Variants in ELAVL2 observed in about 807,000 individuals in gnomAD.
The protein encoded by ELAVL2 is ELAV like RNA binding protein 2, also known as ELAV-like protein 2.
In ELAVL2, 4 loss-of-function variants were observed where a neutral mutation model predicts 34.6. The ratio of observed to expected loss-of-function variants is 0.12; its 90% CI spans 0.06 to 0.26. ELAVL2 has a LOEUF of 0.26. ELAVL2 is among the 10% of genes least tolerant of loss of function. The pLI is 1.00. For missense variants in ELAVL2, 432 were observed against 442.8 expected, an observed-to-expected ratio of 0.98 and a Z score of 0.22; for synonymous variants, 193 against 154.8, an observed-to-expected ratio of 1.25 and a Z score of -1.83.
upstream of ELAVL2, among the ~76,000 whole-genome samples, chr9:23,828,910 T>C (rs2065413067): frequency 1.3e-5 from 2 of 152,338 alleles, no homozygotes; most frequent in South Asian, 4.1e-4. Context: ...ACTTTGAAAT[T>C]CATGTCTCAT....
intron 1 of ELAVL2, among the ~76,000 whole-genome samples, chr9:23,763,650 G>C (rs1391772787): frequency 6.6e-6 from 1 of 151,944 alleles, no homozygotes; most frequent in African/African-American, 2.4e-5. Context: ...AAAATAAAAG[G>C]GCACATTAGC....
At chr9:23,701,312 C>T (rs906554413) in intron 5 of ELAVL2, 67 bp downstream of exon 5, 1 of 1,537,002 alleles carries the variant, frequency 6.5e-7, no homozygotes, top group African/African-American at 1.4e-5. Context: ...AATAAAAGTA[C>T]TGGACAGTAA....
chr9:23,815,251 G>A (rs1002229875), intron 1 of ELAVL2, among the ~76,000 whole-genome samples: 4 of 152,092 alleles, frequency 2.6e-5, no homozygotes, highest in African/African-American at 9.7e-5. Flanking sequence ...TTCCTGGAAT[G>A]TTAGCTGGCT....
chr9:23,840,433 A>G, the ELAVL2 span, among the ~76,000 whole-genome samples: 1 of 152,172 alleles, frequency 6.6e-6, no homozygotes, highest in Non-Finnish European at 1.5e-5. Flanking sequence ...ATTCTGATGA[A>G]CAACTGATTT....
chr9:23,697,055 G>T (rs1317571037), intron 5 of ELAVL2, among the ~76,000 whole-genome samples: 1 of 152,026 alleles, frequency 6.6e-6, no homozygotes, highest in Admixed American at 6.6e-5. Flanking sequence ...TCATCGAAGG[G>T]GAGAGGCGGC....
chr9:23,826,081 A>C lies in ELAVL2; in HGVS notation c.-291T>G, dbSNP rs893436818. 3 of 152,254 alleles carry C rather than the reference A, an allele frequency of 2.0e-5. No homozygotes were observed. Among genetic ancestry groups the C allele is most frequent in the Non-Finnish European group, 4.4e-5 (3 of 68,052 alleles). The allele number at this position is 152,254 out of a possible 1,614,324, so 9.4% of individuals were successfully genotyped here. A position where few individuals can be genotyped will look rare whatever the true frequency, so the allele number is the denominator to read the frequency against. On this transcript the variant is annotated 5_prime_UTR_variant, in exon 1 of 7. Transcript: ENST00000397312. ...CCTCCTATTGCCGTTCAACTAAACAAAAAGGGGCAAGAAAAACAAACCAAG... is the reference window on the plus strand; with the variant it reads ...CCTCCTATTGCCGTTCAACTAAACACAAAGGGGCAAGAAAAACAAACCAAG...
chr9:23,748,028 G>C (rs899490222), intron 2 of ELAVL2, among the ~76,000 whole-genome samples: 1 of 152,086 alleles, frequency 6.6e-6, no homozygotes, highest in African/African-American at 2.4e-5. Context: ...ATCAGCATCT[G>C]TCTCCCAAGG....
chr9:23,761,502 A>G (rs987641715), intron 2 of ELAVL2, among the ~76,000 whole-genome samples: 12 of 152,094 alleles, frequency 7.9e-5, no homozygotes, highest in African/African-American at 2.4e-4. Flanking sequence ...GGAACGGAAC[A>G]TAAGATCTCA....
chr9:23,740,741 T>C (rs1311852270), intron 2 of ELAVL2, among the ~76,000 whole-genome samples: 2 of 152,120 alleles, frequency 1.3e-5, no homozygotes, highest in African/African-American at 2.4e-5. Flanking sequence ...ACAAAACAGA[T>C]AGATGAGAGG....
At chr9:23,716,935 T>C (rs1351416250) in intron 3 of ELAVL2, among the ~76,000 whole-genome samples, 1 of 152,176 alleles carries the variant, frequency 6.6e-6, no homozygotes, top group East Asian at 1.9e-4. Context: ...AGACCTTGAA[T>C]GTCAGGGCAA....
chr9:23,701,208 A>G (rs188704754), intron 5 of ELAVL2, among the ~76,000 whole-genome samples, 171 bp downstream of exon 5: 313 of 152,334 alleles, frequency 2.1e-3, no homozygotes, highest in African/African-American at 7.1e-3. Context: ...AAAAGACACT[A>G]TTCCTCAAGT....
At chr9:23,780,903 C>A (rs1399423732) in intron 1 of ELAVL2, among the ~76,000 whole-genome samples, 1 of 152,134 alleles carries the variant, frequency 6.6e-6, no homozygotes, top group African/African-American at 2.4e-5. Flanking sequence ...GGAGTGGCCT[C>A]AGAGAAGCAA....
chr9:23,702,953 A>AAAAAAAAAC (rs2037852028), intron 4 of ELAVL2, among the ~76,000 whole-genome samples: 1 of 56,160 alleles, frequency 1.8e-5, no homozygotes, highest in African/African-American at 2.1e-4. Context: ...CAGATTAGCA[A>AAAAAAAAAC]AAAAAAAAAA....
At chr9:23,740,656 A>C (rs1445093507) in intron 2 of ELAVL2, among the ~76,000 whole-genome samples, 1 of 152,244 alleles carries the variant, frequency 6.6e-6, no homozygotes, top group Admixed American at 6.5e-5. Flanking sequence ...AAGAAAAAAA[A>C]AATGACCTGA....
intron 1 of ELAVL2, 131 bp downstream of exon 1, chr9:23,825,675 A>AAC (rs2065257035): frequency 6.6e-6 from 1 of 152,248 alleles, no homozygotes; most frequent in Non-Finnish European, 1.5e-5. Context: ...AAAAAAGCAG[A>AAC]ACAGTAGCTT....
intron 2 of ELAVL2, among the ~76,000 whole-genome samples, chr9:23,741,784 C>G (rs985444778): frequency 2.7e-5 from 4 of 150,802 alleles, no homozygotes; most frequent in Non-Finnish European, 5.9e-5. Context: ...ACCTTTCTCC[C>G]TTTGAAAGCC....
At chr9:23,739,952 A>G (rs767959826) in intron 2 of ELAVL2, among the ~76,000 whole-genome samples, 26 of 152,130 alleles carry the variant, frequency 1.7e-4, no homozygotes, top group Non-Finnish European at 2.9e-4. Context: ...CCTGCAAACC[A>G]CCATGGAGAG....
chr9:23,770,159 T>C (rs143994866), intron 1 of ELAVL2, among the ~76,000 whole-genome samples: 114 of 152,264 alleles, frequency 7.5e-4, no homozygotes, highest in African/African-American at 2.5e-3. Flanking sequence ...GCAGAACATA[T>C]ACAAGTATGA....
At chr9:23,744,744 C>G (rs2135347138) in intron 2 of ELAVL2, among the ~76,000 whole-genome samples, 1 of 151,300 alleles carries the variant, frequency 6.6e-6, no homozygotes, top group East Asian at 1.9e-4. Context: ...CGCGCACCCC[C>G]CACGAAAAAA....
Sources: gnomAD v4.1 joint callset for allele counts (sites outside exome capture counted in the v4.1 genomes callset) on GRCh38, gnomAD v4.1.1 for gene constraint, MANE v1.5 for transcripts, NCBI Gene and HGNC (gene_info 2026-07-23, HGNC 2026-07-21) for gene names.